The following KCTD16 variants were observed in gnomAD, a reference collection of about 807,000 sequenced individuals.
KCTD16 encodes the protein potassium channel tetramerization domain containing 16.
Under a neutral mutation model 33.2 loss-of-function variants are expected in KCTD16, and 13 were observed. The ratio of observed to expected loss-of-function variants is 0.39; its 90% CI spans 0.25 to 0.62. The LOEUF is 0.62. Among genes scored for constraint, KCTD16 ranks in the 20% least tolerant of loss-of-function variants. KCTD16 has a pLI of 0.50. For missense variants in KCTD16, 441 were observed against 525.1 expected, an observed-to-expected ratio of 0.84 and a Z score of 1.57; for synonymous variants, 197 against 195.3, an observed-to-expected ratio of 1.01 and a Z score of -0.07.
chr5:144,421,880 C>T (rs368982005), intron 3 of KCTD16, among the ~76,000 whole-genome samples: 2 of 151,972 alleles, frequency 1.3e-5, no homozygotes, highest in East Asian at 1.9e-4. Context: ...AACAAGTGGA[C>T]AGAAATCATA....
chr5:144,351,614 G>C (rs770348556), intron 3 of KCTD16, among the ~76,000 whole-genome samples: 17 of 152,156 alleles, frequency 1.1e-4, no homozygotes, highest in Non-Finnish European at 2.4e-4. Flanking sequence ...CATGTTTATT[G>C]TAGCACTATT....
At chr5:144,343,341 T>C (rs963037139) in intron 3 of KCTD16, among the ~76,000 whole-genome samples, 3 of 152,004 alleles carry the variant, frequency 2.0e-5, no homozygotes, top group Admixed American at 2.0e-4. Context: ...ATCCATTTCT[T>C]CTAGATTTTC....
intron 2 of KCTD16, among the ~76,000 whole-genome samples, chr5:144,196,814 CA>C (rs1238182915): frequency 6.6e-6 from 1 of 152,204 alleles, no homozygotes. Flanking sequence ...ATTGGAACTG[CA>C]CATTGCAATA....
chr5:144,337,324 G>A lies in KCTD16; in HGVS notation c.832+129778G>A, dbSNP rs190493040. Among the ~76,000 whole-genome samples, 28 of 152,176 alleles carry A rather than the reference G, an allele frequency of 1.8e-4. No homozygotes were observed. The East Asian group carries it at 4.4e-3, about 24-fold the overall frequency. On this transcript the variant is annotated intron_variant, in intron 3 of 3. Transcript: ENST00000512467. ...AATTATCATGTTGTTTTCTAAAATAGGTGGTACAAACTTTTTATATCATTA... is the reference window on the plus strand; with the variant it reads ...AATTATCATGTTGTTTTCTAAAATAAGTGGTACAAACTTTTTATATCATTA...
chr5:144,211,951 C>T (rs1257291973), intron 3 of KCTD16, among the ~76,000 whole-genome samples: 1 of 152,142 alleles, frequency 6.6e-6, no homozygotes, highest in Non-Finnish European at 1.5e-5. Context: ...AAAAATTCTG[C>T]TCTGTCATTA....
intron 3 of KCTD16, among the ~76,000 whole-genome samples, chr5:144,399,087 C>T (rs188154740): frequency 4.5e-4 from 69 of 152,226 alleles, no homozygotes; most frequent in Non-Finnish European, 8.2e-4. Context: ...TGACTGAACT[C>T]CTACTATCTA....
rs1361658739 is a variant in KCTD16, at chr5:144,475,651, T to C, written c.*1537T>C. The C allele has an allele frequency of 6.6e-6, 1 of 152,656 alleles. No individual in the cohort carries two copies. The highest frequency in any genetic ancestry group is 1.5e-5 in the Non-Finnish European group (1 of 68,022). The allele number at this position is 152,656 out of a possible 1,614,324, so 9.5% of individuals were successfully genotyped here. On this transcript the variant is annotated 3_prime_UTR_variant, in exon 4 of 4. Coordinates refer to ENST00000512467, the MANE Select transcript of KCTD16 (RefSeq NM_020768.4). Reference sequence around the variant, plus strand: ...TTAATAGTTGTGTGCCAAGCACTCCTAATTTGTTTTATTGCGTGTGTGTGC... The same window carrying C: ...TTAATAGTTGTGTGCCAAGCACTCCCAATTTGTTTTATTGCGTGTGTGTGC...
At chr5:144,465,228 G>A (rs372175681) in intron 3 of KCTD16, among the ~76,000 whole-genome samples, 4 of 124,308 alleles carry the variant, frequency 3.2e-5, no homozygotes, top group Admixed American at 1.1e-4. Flanking sequence ...TCTCTCTCTC[G>A]CCTTTCTGGA....
At chr5:144,315,839 G>A (rs943824719) in intron 3 of KCTD16, among the ~76,000 whole-genome samples, 3 of 152,160 alleles carry the variant, frequency 2.0e-5, no homozygotes, top group East Asian at 1.9e-4. Flanking sequence ...AATTATGAAA[G>A]ATGAATTACA....
At chr5:144,234,271 C>G (rs1009547656) in intron 3 of KCTD16, among the ~76,000 whole-genome samples, 4 of 152,114 alleles carry the variant, frequency 2.6e-5, no homozygotes, top group Non-Finnish European at 5.9e-5. Flanking sequence ...CCATCTCTCT[C>G]CAAGCGTGGT....
At chr5:144,316,826 CTTT>C (rs34796022) in intron 3 of KCTD16, among the ~76,000 whole-genome samples, 1 of 111,154 alleles carries the variant, frequency 9.0e-6, no homozygotes, top group African/African-American at 3.4e-5. Flanking sequence ...GCCAGCATCC[CTTT>C]TTTTTTTTTT....
intron 2 of KCTD16, among the ~76,000 whole-genome samples, chr5:144,184,808 A>G (rs66821551): frequency 0.18 from 27,440 of 152,124 alleles, 2,618 homozygotes; most frequent in East Asian, 0.36. Flanking sequence ...GGACATTTGT[A>G]TAAATTCTTT....
intron 3 of KCTD16, among the ~76,000 whole-genome samples, chr5:144,416,787 C>G (rs905315719): frequency 6.6e-6 from 1 of 152,160 alleles, no homozygotes; most frequent in Non-Finnish European, 1.5e-5. Flanking sequence ...ATTTCTTCCT[C>G]CTACAATCTC....
chr5:144,359,188 AG>A (rs1666859289), intron 3 of KCTD16, among the ~76,000 whole-genome samples: 1 of 152,204 alleles, frequency 6.6e-6, no homozygotes, highest in African/African-American at 2.4e-5. Context: ...CTGTCTCTAT[AG>A]GACTGATTAT....
chr5:144,266,348 C>T (rs991976522), intron 3 of KCTD16, among the ~76,000 whole-genome samples: 1 of 152,102 alleles, frequency 6.6e-6, no homozygotes, highest in Non-Finnish European at 1.5e-5. Flanking sequence ...GCTGGGCTGC[C>T]TTTTGAGGTG....
intron 3 of KCTD16, among the ~76,000 whole-genome samples, chr5:144,425,548 C>T (rs1442771756): frequency 6.6e-6 from 1 of 152,008 alleles, no homozygotes; most frequent in Non-Finnish European, 1.5e-5. Context: ...AAGGAATCCA[C>T]AATATCCTGT....
At chr5:144,461,676 C>G (rs2126992723) in intron 3 of KCTD16, among the ~76,000 whole-genome samples, 1 of 152,326 alleles carries the variant, frequency 6.6e-6, no homozygotes, top group Admixed American at 6.5e-5. Flanking sequence ...CTCATGTCCT[C>G]TTTAACAGAG....
intron 3 of KCTD16, among the ~76,000 whole-genome samples, chr5:144,262,136 A>G (rs914118726): frequency 8.5e-5 from 13 of 152,344 alleles, no homozygotes; most frequent in Non-Finnish European, 2.9e-5. Context: ...GATGGGTAAG[A>G]ATTAATGGAT....
intron 3 of KCTD16, among the ~76,000 whole-genome samples, chr5:144,333,856 C>T (rs903403492): frequency 1.3e-5 from 2 of 152,122 alleles, no homozygotes; most frequent in Non-Finnish European, 2.9e-5. Flanking sequence ...AGAACTAGGT[C>T]CATCAGTGCC....
Sources: gnomAD v4.1 joint callset for allele counts (sites outside exome capture counted in the v4.1 genomes callset) on GRCh38, gnomAD v4.1.1 for gene constraint, MANE v1.5 for transcripts, NCBI Gene and HGNC (gene_info 2026-07-23, HGNC 2026-07-21) for gene names.